Variants in KDM2B observed in about 807,000 individuals in gnomAD.
The protein encoded by KDM2B is lysine-specific demethylase 2B.
KDM2B carries 26 observed loss-of-function variants against 150.0 expected under a neutral mutation model. That is an observed-to-expected ratio of 0.17 (90% CI 0.13 to 0.24). KDM2B has a LOEUF of 0.24. Ranked by LOEUF, KDM2B falls within the 10% of genes least tolerant of loss-of-function variation. KDM2B has a pLI of 1.00. For missense variants in KDM2B, 1,265 were observed against 1,816.9 expected (o/e 0.70, Z 5.52); for synonymous variants, 734 against 729.5 (o/e 1.01, Z -0.10).
At position 121,453,310 on chromosome 12, in the gene KDM2B, C is replaced by A; in HGVS notation, c.1769G>T (p.Gly590Val). 1 of 1,593,968 alleles carries A rather than the reference C, an allele frequency of 6.3e-7. No homozygotes were observed. Among genetic ancestry groups the A allele is most frequent in the Non-Finnish European group, 8.5e-7 (1 of 1,170,306 alleles). ...GGCCAACTTCACCGCGGAGGCCGGG[C>A]CCAGCTTCCCCTTGGGCCGACCCAC... ...RAVGRPKGKL[G>V]PASAVKLAAN... The change falls in exon 13 of 23, where the codon GGC becomes GTC. Residue 590 changes from glycine (G) to valine (V), a missense_variant. Physicochemically the swap from Gly to Val is moderately radical, Grantham distance 109. Around this residue, in one of 11 missense-constraint regions of KDM2B, gnomAD observed 69 missense variants for 85.7 expected, o/e 0.81. Transcript: ENST00000377071. This position sits in a 1 kb window ranked among gnomAD's most constrained non-coding sequence, Gnocchi z 6.4.
At chr12:121,414,712 G>A in the KDM2B span, among the ~76,000 whole-genome samples, 3 of 151,874 alleles carry the variant, frequency 2.0e-5, no homozygotes, top group African/African-American at 4.8e-5. Context: ...TCGCTCTGTC[G>A]CCCAGCCTGG....
intron 11 of KDM2B, among the ~76,000 whole-genome samples, chr12:121,502,144 G>A (rs1309700542): frequency 2.0e-5 from 3 of 152,100 alleles, no homozygotes; most frequent in Admixed American, 6.6e-5. Flanking sequence ...TTCATTCTAT[G>A]GTGTCTGAAA....
At chr12:121,410,429 T>C in the KDM2B span, among the ~76,000 whole-genome samples, 1 of 151,412 alleles carries the variant, frequency 6.6e-6, no homozygotes, top group Non-Finnish European at 1.5e-5. Context: ...CCCGGCTACT[T>C]GGGAGGCTGA....
At chr12:121,543,821 A>G (rs781830657) in intron 6 of KDM2B, among the ~76,000 whole-genome samples, 1 of 151,258 alleles carries the variant, frequency 6.6e-6, no homozygotes, top group Non-Finnish European at 1.5e-5. Flanking sequence ...CGTCTAAAAA[A>G]CAAAAAACAA....
chr12:121,487,196 C>T (rs1457245558), intron 12 of KDM2B, among the ~76,000 whole-genome samples: 1 of 152,140 alleles, frequency 6.6e-6, no homozygotes, highest in Non-Finnish European at 1.5e-5. Flanking sequence ...AACGAAAGAA[C>T]TGGGGCATCC....
intron 4 of KDM2B, among the ~76,000 whole-genome samples, chr12:121,551,146 TC>T (rs1359601518): frequency 1.3e-5 from 2 of 152,122 alleles, no homozygotes; most frequent in East Asian, 3.9e-4. Flanking sequence ...AATAGTCTCA[TC>T]CCGTTCACTG....
intron 4 of KDM2B, among the ~76,000 whole-genome samples, chr12:121,565,505 C>T (rs1019949518): frequency 1.3e-5 from 2 of 152,098 alleles, no homozygotes; most frequent in Non-Finnish European, 2.9e-5. Flanking sequence ...TTAGTAAAGA[C>T]GGAGTTTCTC....
intron 2 of KDM2B, among the ~76,000 whole-genome samples, chr12:121,576,895 A>C (rs1439768100): frequency 6.6e-6 from 1 of 152,204 alleles, no homozygotes; most frequent in African/African-American, 2.4e-5. Flanking sequence ...GGGGAGGAGG[A>C]GGCCAAGACA....
chr12:121,442,559 G>A lies in KDM2B; in HGVS notation c.2882C>T (p.Thr961Met), dbSNP rs1555288740. The A allele has an allele frequency of 2.5e-6, 4 of 1,600,380 alleles. No homozygotes were observed. The highest frequency in any genetic ancestry group is 1.7e-5 in the Admixed American group (1 of 60,016). Residue 961 changes from threonine (T) to methionine (M), a missense_variant, in exon 19 of 23, where the codon ACG (threonine) becomes ATG (methionine). Around this residue, in one of 11 missense-constraint regions of KDM2B, gnomAD observed 418 missense variants for 402.4 expected, o/e 1.04. Transcript: ENST00000377071. This position sits in a 1 kb window ranked among gnomAD's most constrained non-coding sequence, Gnocchi z 7.7. Reference sequence around the variant, plus strand: ...GTTCTCGTTGGCCAGGCTGTTCTCCGTCCTCTGGATCTCGTGGTTGAGCTC... The same window carrying A: ...GTTCTCGTTGGCCAGGCTGTTCTCCATCCTCTGGATCTCGTGGTTGAGCTC... ...SKELNHEIQRTENSLANENQQ... is the reference protein window; with the variant it reads ...SKELNHEIQRMENSLANENQQ...
chr12:121,520,973 G>T lies in KDM2B; in HGVS notation c.1047+12C>A. On this transcript the variant is annotated intron_variant, in intron 9 of 22. Transcript: ENST00000377071. The surrounding 1 kb of genome is among the most constrained non-coding windows in gnomAD (Gnocchi z 4.5). ...CAGGCGCGCACGCGAGGACAGAAGG[G>T]AACCTCCTTACCCGCGTCCTGTCCT... is the stretch of plus-strand genomic sequence containing the variant. 1 of 1,608,118 alleles carries T rather than the reference G, an allele frequency of 6.2e-7. No homozygotes were observed. Among genetic ancestry groups the T allele is most frequent in the Non-Finnish European group, 8.5e-7 (1 of 1,174,748 alleles).
chr12:121,580,640 G>T, intron 1 of KDM2B, 146 bp downstream of exon 1: 2 of 1,300,118 alleles, frequency 1.5e-6, no homozygotes, highest in Non-Finnish European at 2.1e-6. Context: ...CTCAGCGGGA[G>T]GCGCGGAAAT....
rs553190911 is a variant in KDM2B, at chr12:121,498,074, A to C, written c.1648-3409T>G. On this transcript the variant is annotated intron_variant, in intron 11 of 22. Transcript: ENST00000377071. ...CCATGCCACTGCACTCCAGTCTGAG[A>C]AACAGAGTAAGACTTTGTCTCAAAA... 3.4e-4 allele frequency among the ~76,000 whole-genome samples: 52 copies of C among 152,190 alleles called. No homozygotes were observed. The South Asian group carries it at 8.9e-3, about 26-fold the overall frequency.
chr12:121,544,006 C>T (rs115832139), intron 6 of KDM2B, among the ~76,000 whole-genome samples: 1 of 148,510 alleles, frequency 6.7e-6, no homozygotes, highest in African/African-American at 2.5e-5. Flanking sequence ...CCCAGCTGCT[C>T]GGGAGGCTGA....
the KDM2B span, chr12:121,416,749 A>AT: frequency 5.1e-6 from 1 of 195,196 alleles, no homozygotes; most frequent in South Asian, 8.0e-5. Flanking sequence ...TAACTTTCAA[A>AT]TGAATAAATG....
chr12:121,441,127 G>C lies in KDM2B; in HGVS notation c.3391C>G (p.Leu1131Val). The C allele has an allele frequency of 6.2e-7, 1 of 1,614,232 alleles. No individual in the cohort carries two copies. The highest frequency in any genetic ancestry group is 1.7e-5 in the Admixed American group (1 of 60,036). Residue 1131 changes from leucine (L) to valine (V), a missense_variant, in exon 20 of 23, where the codon CTC (leucine) becomes GTC (valine). Around this residue, in one of 11 missense-constraint regions of KDM2B, gnomAD observed 251 missense variants for 397.8 expected, o/e 0.63. Coordinates refer to ENST00000377071, the MANE Select transcript of KDM2B (RefSeq NM_032590.5). ...IIRRQPVSLD[L>V]SWTNISKKQL... Reference sequence around the variant, plus strand: ...TTCTTGGAGATATTGGTCCAGCTGAGGTCGAGGGAGACGGGCTGTCGCCGG... The same window carrying C: ...TTCTTGGAGATATTGGTCCAGCTGACGTCGAGGGAGACGGGCTGTCGCCGG...
rs573077459 is a variant in KDM2B at position 121,457,335 on chromosome 12, C to A, written c.1735-3991G>T. 2.0e-5 allele frequency among the ~76,000 whole-genome samples: 3 copies of A among 152,104 alleles called. No individual in the cohort carries two copies. The South Asian group carries it at 6.2e-4, about 32-fold the overall frequency. On this transcript the variant is annotated intron_variant, in intron 12 of 22. Transcript: ENST00000377071. ...GGAGTGCAGTGGCGTCATCTTGGCT[C>A]ACTATAACCTCTGGCTCCCGGGTTC...
At chr12:121,500,483 T>C (rs1884435434) in intron 11 of KDM2B, among the ~76,000 whole-genome samples, 1 of 152,174 alleles carries the variant, frequency 6.6e-6, no homozygotes, top group Non-Finnish European at 1.5e-5. Flanking sequence ...AAGAGATAAT[T>C]AGTTAACAAT....
At chr12:121,457,769 CACACACAA>C (rs1878496326) in intron 12 of KDM2B, among the ~76,000 whole-genome samples, 1 of 149,226 alleles carries the variant, frequency 6.7e-6, no homozygotes, top group African/African-American at 2.5e-5. Flanking sequence ...CACACACACA[CACACACAA>C]ATATCTTGGT....
In KDM2B at chr12:121,467,795, G is replaced by A. The variant is rs1327470246; in HGVS notation, c.1735-14451C>T. The A allele has an allele frequency of 1.3e-5, 2 of 152,226 alleles. No individual in the cohort carries two copies. The highest frequency in any genetic ancestry group is 2.9e-5 in the Non-Finnish European group (2 of 68,064). The allele number at this position is 152,226 out of a possible 1,614,324, so 9.4% of individuals were successfully genotyped here. On this transcript the variant is annotated intron_variant, in intron 12 of 22. Transcript: ENST00000377071. The surrounding 1 kb of genome is among the most constrained non-coding windows in gnomAD (Gnocchi z 5.1). ...GACTCTGCACCCGACGCCAGGAGCGGGTCCCCAGGTCCCTTGCAGCAGGCA... is the reference window on the plus strand; with the variant it reads ...GACTCTGCACCCGACGCCAGGAGCGAGTCCCCAGGTCCCTTGCAGCAGGCA...
Sources: allele counts gnomAD v4.1 joint callset (sites outside exome capture counted in the v4.1 genomes callset), GRCh38; gene constraint gnomAD v4.1.1; regional missense constraint gnomAD v4.1.1; non-coding constraint Gnocchi (gnomAD v3.1); transcripts MANE v1.5; gene names NCBI Gene and HGNC (gene_info 2026-07-23, HGNC 2026-07-21).